RELCH: variants seen among roughly 807,000 people sequenced by gnomAD.
RELCH encodes RAB11 binding and LisH domain, coiled-coil and HEAT repeat containing, also known as RAB11-binding protein RELCH.
A neutral mutation model predicts 150.3 loss-of-function variants in RELCH; 41 were observed. That is an observed-to-expected ratio of 0.27 (90% CI 0.21 to 0.35). RELCH has a LOEUF of 0.35. Among genes scored for constraint, RELCH ranks in the 10% least tolerant of loss-of-function variants. The pLI is 1.00. For synonymous variants in RELCH, 478 were observed against 531.8 expected (o/e 0.90, Z 1.39); for missense variants, 1,092 against 1,467.8 (o/e 0.74, Z 4.18).
chr18:62,274,639 T>A (rs1283222259), intron 21 of RELCH, among the ~76,000 whole-genome samples: 1 of 152,356 alleles, frequency 6.6e-6, no homozygotes, highest in East Asian at 1.9e-4. Flanking sequence ...CCATGTGACA[T>A]ACATAGGACA....
At chr18:62,229,377 C>T (rs1047418703) in intron 8 of RELCH, among the ~76,000 whole-genome samples, 1 of 151,908 alleles carries the variant, frequency 6.6e-6, no homozygotes, top group African/African-American at 2.4e-5. Context: ...AAAAGCACAA[C>T]TAATTTGCTT....
intron 10 of RELCH, among the ~76,000 whole-genome samples, chr18:62,239,368 T>C (rs1373012755): frequency 6.6e-6 from 1 of 151,890 alleles, no homozygotes; most frequent in Non-Finnish European, 1.5e-5. Context: ...TGTAATGTCT[T>C]TCTTTATTGG....
At chr18:62,247,066 A>T (rs1340351633) in intron 11 of RELCH, 1 of 152,226 alleles carries the variant, frequency 6.6e-6, no homozygotes, top group Non-Finnish European at 1.5e-5. Context: ...GCAGAACGAC[A>T]TTAAATTATT....
chr18:62,246,501 G>A (rs1389413359), intron 11 of RELCH: 1 of 152,046 alleles, frequency 6.6e-6, no homozygotes, highest in Non-Finnish European at 1.5e-5. Context: ...TGCTATTGAA[G>A]ACATTTAAAA....
intron 2 of RELCH, among the ~76,000 whole-genome samples, chr18:62,217,109 A>C (rs775091287): frequency 6.6e-6 from 1 of 152,062 alleles, no homozygotes; most frequent in Non-Finnish European, 1.5e-5. Context: ...GGTTATATTT[A>C]ATCTAAAAAT....
chr18:62,254,794 A>C (rs2042911269), intron 12 of RELCH: 2 of 152,384 alleles, frequency 1.3e-5, no homozygotes, highest in South Asian at 2.1e-4. Flanking sequence ...TATGAAGAAG[A>C]CATATGGGAA....
chr18:62,271,220 C>T (rs1286126185), intron 20 of RELCH, among the ~76,000 whole-genome samples: 11 of 152,176 alleles, frequency 7.2e-5, no homozygotes, highest in South Asian at 2.1e-4. Context: ...AGTGTAAAAG[C>T]GTTCCTATTT....
intron 10 of RELCH, among the ~76,000 whole-genome samples, chr18:62,240,414 CTT>C (rs1057403539): frequency 7.1e-6 from 1 of 140,652 alleles, no homozygotes. Flanking sequence ...TTTTCTTTTT[CTT>C]TTTTTTTTTG....
At chr18:62,251,838 G>A (rs563272306) in intron 11 of RELCH, among the ~76,000 whole-genome samples, 2 of 152,198 alleles carry the variant, frequency 1.3e-5, no homozygotes, top group East Asian at 3.9e-4. Flanking sequence ...GTGTGGGAAG[G>A]TAATTTGGAA....
chr18:62,275,132 G>C (rs181215564), intron 21 of RELCH, among the ~76,000 whole-genome samples: 4 of 152,160 alleles, frequency 2.6e-5, no homozygotes, highest in African/African-American at 9.7e-5. Context: ...GGCCAGGATG[G>C]TCTCGATCTC....
chr18:62,211,138 T>A lies in RELCH; in HGVS notation c.527-15T>A. 1 of 1,424,492 alleles carries A rather than the reference T, an allele frequency of 7.0e-7. No individual in the cohort carries two copies. The highest frequency in any genetic ancestry group is 9.6e-7 in the Non-Finnish European group (1 of 1,038,050). 88.2% of individuals were successfully genotyped at this position (1,424,492 alleles called of 1,614,324 possible). On this transcript the variant is annotated splice_polypyrimidine_tract_variant and intron_variant, in intron 1 of 28. Transcript: ENST00000644646. ...CAATTAAATTAAAAAACTTTTATAT[T>A]TCTCTTTATTATAGATCGAGCTGGG...
rs1353943042 is a variant in RELCH at position 62,188,002 on chromosome 18, C to T, written c.497C>T (p.Pro166Leu). 2 of 1,591,084 alleles carry T rather than the reference C, an allele frequency of 1.3e-6. No individual in the cohort carries two copies. Among genetic ancestry groups the T allele is most frequent in the East Asian group, 2.2e-5 (1 of 44,502 alleles). The change falls in exon 1 of 29, where the codon CCG (proline) becomes CTG (leucine). Residue 166 changes from proline (P) to leucine (L), a missense_variant. Physicochemically the swap from Pro to Leu is moderately conservative, Grantham distance 98 (BLOSUM62 -3). Around this residue, in one of 4 missense-constraint regions of RELCH, gnomAD observed 190 missense variants for 276.2 expected, o/e 0.69. Transcript: ENST00000644646. Reference sequence around the variant, plus strand: ...GTTGGGGGCGCTGGAGGTCGGGAACCGAGTACAGCGTCGGGCGGGGGACAG... The same window carrying T: ...GTTGGGGGCGCTGGAGGTCGGGAACTGAGTACAGCGTCGGGCGGGGGACAG... ...AGVGGAGGREPSTASGGGQLN... is the reference protein window; with the variant it reads ...AGVGGAGGRELSTASGGGQLN...
chr18:62,251,831 T>C (rs79687502), intron 11 of RELCH, among the ~76,000 whole-genome samples: 5,594 of 152,234 alleles, frequency 0.037, 341 homozygotes, highest in African/African-American at 0.13. Flanking sequence ...AATGTATGTG[T>C]GGGAAGGTAA....
chr18:62,271,736 G>C (rs553881990), intron 20 of RELCH, among the ~76,000 whole-genome samples: 8 of 152,164 alleles, frequency 5.3e-5, no homozygotes, highest in Admixed American at 1.3e-4. Flanking sequence ...ACGTTTAAGT[G>C]TTTAATGCAT....
chr18:62,207,550 C>T (rs1826591413), intron 1 of RELCH, among the ~76,000 whole-genome samples: 1 of 152,196 alleles, frequency 6.6e-6, no homozygotes, highest in African/African-American at 2.4e-5. Context: ...AACTCTGTAG[C>T]CTTTTAAGAA....
At chr18:62,214,048 A>G (rs984463744) in intron 2 of RELCH, among the ~76,000 whole-genome samples, 4 of 152,030 alleles carry the variant, frequency 2.6e-5, no homozygotes, top group Admixed American at 6.6e-5. Context: ...TGAGACTATC[A>G]TAAGACAGCA....
intron 1 of RELCH, among the ~76,000 whole-genome samples, chr18:62,195,369 T>A (rs1401383985): frequency 1.3e-5 from 2 of 152,080 alleles, no homozygotes; most frequent in Non-Finnish European, 2.9e-5. Flanking sequence ...TACTTTGTTT[T>A]CTAGTTACAT....
intron 27 of RELCH, among the ~76,000 whole-genome samples, chr18:62,297,944 C>T (rs1237450713): frequency 2.0e-5 from 3 of 152,122 alleles, no homozygotes; most frequent in Non-Finnish European, 4.4e-5. Context: ...TTTGGCCTTC[C>T]TAGTACCCCT....
At chr18:62,280,427 C>T (rs1420673447) in intron 23 of RELCH, 1 of 1,613,838 alleles carries the variant, frequency 6.2e-7, no homozygotes, top group South Asian at 1.1e-5. Flanking sequence ...GTTACCTTGT[C>T]CAGTGATCCT....
Sources: gnomAD v4.1 joint callset for allele counts (sites outside exome capture counted in the v4.1 genomes callset) on GRCh38, gnomAD v4.1.1 for gene constraint, gnomAD v4.1.1 regional missense constraint, MANE v1.5 for transcripts, NCBI Gene and HGNC (gene_info 2026-07-23, HGNC 2026-07-21) for gene names.